The following NFAT5 variants were observed in gnomAD, a reference collection of about 807,000 sequenced individuals.
NFAT5 encodes the protein nuclear factor of activated T-cells 5.
Under a neutral mutation model 166.5 loss-of-function variants are expected in NFAT5, and 31 were observed. That is an observed-to-expected ratio of 0.19 (90% CI 0.14 to 0.25). The LOEUF (loss-of-function observed/expected upper bound fraction) is 0.25. NFAT5 is among the 10% of genes least tolerant of loss of function. The pLI is 1.00. For synonymous variants in NFAT5, 612 were observed against 639.7 expected (o/e 0.96, Z 0.65); for missense variants, 1,449 against 1,821.8 (o/e 0.80, Z 3.72).
In NFAT5 at chr16:69,626,384, C is replaced by T. The variant is rs371196467; in HGVS notation, c.128-19C>T. 8.4e-6 allele frequency: 13 copies of T among 1,551,008 alleles called. No homozygotes were observed. Among genetic ancestry groups the T allele is most frequent in the African/African-American group, 2.8e-5 (2 of 71,346 alleles). ...TCTCTTTTAAAAATTGTTTTCTCCT[C>T]TCTTTCCCCTCCCCACAGAATCTGT... On this transcript the variant is annotated intron_variant, in intron 2 of 14. Coordinates refer to ENST00000349945, the MANE Select transcript of NFAT5 (RefSeq NM_138713.4).
chr16:69,567,748 T>C (rs1309152614), intron 1 of NFAT5, among the ~76,000 whole-genome samples: 1 of 152,134 alleles, frequency 6.6e-6, no homozygotes, highest in Non-Finnish European at 1.5e-5. Context: ...CGGGCAACAT[T>C]ACCTGAGGTA....
chr16:69,599,316 C>T (rs1302896395), intron 2 of NFAT5, among the ~76,000 whole-genome samples: 1 of 152,146 alleles, frequency 6.6e-6, no homozygotes, highest in African/African-American at 2.4e-5. Context: ...GTGGCTCACA[C>T]CTGCAATCCC....
At chr16:69,603,496 G>A (rs977202033) in intron 2 of NFAT5, among the ~76,000 whole-genome samples, 3 of 152,112 alleles carry the variant, frequency 2.0e-5, no homozygotes, top group African/African-American at 7.2e-5. Context: ...GGTGGCTCAT[G>A]CCTGTAATCC....
intron 3 of NFAT5, among the ~76,000 whole-genome samples, chr16:69,635,202 G>A (rs967403800): frequency 1.3e-4 from 19 of 151,612 alleles, no homozygotes; most frequent in Admixed American, 1.1e-3. Context: ...GTAGAGACAG[G>A]GTTTCACCAC....
At chr16:69,573,153 T>C (rs916766922) in intron 2 of NFAT5, among the ~76,000 whole-genome samples, 1 of 152,218 alleles carries the variant, frequency 6.6e-6, no homozygotes, top group Admixed American at 6.5e-5. Flanking sequence ...CAATCTTTGT[T>C]TAAATTAAAC....
At chr16:69,624,368 G>C (rs1373593929) in intron 2 of NFAT5, among the ~76,000 whole-genome samples, 3 of 150,814 alleles carry the variant, frequency 2.0e-5, no homozygotes, top group African/African-American at 7.3e-5. Context: ...ACCACGCCTG[G>C]CTAACTTTTT....
rs749198428 is a variant in NFAT5 at position 69,566,390 on chromosome 16, G to C, written c.73+16G>C. On this transcript the variant is annotated intron_variant, in intron 1 of 14. Transcript: ENST00000349945. The surrounding 1 kb of genome is among the most constrained non-coding windows in gnomAD (Gnocchi z 5.7). The stretch of plus-strand genomic sequence containing the variant: ...TACTCGCGAGGTGAGTCAGGCTGTG[G>C]GGGGTGGGGCGTGGGGGCGGGGAGA... 6.3e-7 allele frequency: 1 copy of C among 1,578,266 alleles called. No individual in the cohort carries two copies. Among genetic ancestry groups the C allele is most frequent in the Admixed American group, 1.8e-5 (1 of 56,006 alleles).
intron 2 of NFAT5, among the ~76,000 whole-genome samples, chr16:69,620,831 C>T (rs1394697368): frequency 6.6e-6 from 1 of 152,132 alleles, no homozygotes; most frequent in Non-Finnish European, 1.5e-5. Flanking sequence ...CTTTCATGAT[C>T]TGTGATGAAT....
At chr16:69,624,047 G>A (rs1054741906) in intron 2 of NFAT5, among the ~76,000 whole-genome samples, 22 of 151,788 alleles carry the variant, frequency 1.4e-4, no homozygotes, top group African/African-American at 5.1e-4. Context: ...CACCGTGACC[G>A]GCCGTCTACT....
intron 2 of NFAT5, among the ~76,000 whole-genome samples, chr16:69,609,075 C>G (rs574666803): frequency 2.6e-5 from 4 of 151,324 alleles, no homozygotes; most frequent in African/African-American, 9.7e-5. Context: ...GAGCTAAGAT[C>G]ATGCCACTGC....
chr16:69,570,413 A>G (rs1364257222), intron 2 of NFAT5, among the ~76,000 whole-genome samples: 1 of 152,014 alleles, frequency 6.6e-6, no homozygotes, highest in Non-Finnish European at 1.5e-5. Context: ...AGCCCCATAT[A>G]CCCATCACCA....
intron 3 of NFAT5, among the ~76,000 whole-genome samples, chr16:69,644,305 CAGTTT>C (rs1256155201): frequency 6.6e-6 from 1 of 151,702 alleles, no homozygotes; most frequent in Non-Finnish European, 1.5e-5. Flanking sequence ...AAGAATTTTA[CAGTTT>C]AAAAAAAATT....
In NFAT5 at chr16:69,684,891, A is replaced by G; in HGVS notation, c.1695A>G (p.Ala565=). 6.2e-7 allele frequency: 1 copy of G among 1,600,922 alleles called. No individual in the cohort carries two copies. The highest frequency in any genetic ancestry group is 1.3e-5 in the African/African-American group (1 of 74,536). Residue 565 remains alanine (A), a synonymous_variant, in exon 11 of 15, where the codon GCA becomes GCG. Transcript: ENST00000349945. ...QPFTYTPDPA[A]AGALNVNVKK... ...CATTAATCTTTTTTTTAATAGCAGC[A>G]GCTGGTGCTTTGAATGTAAATGTGA...
At chr16:69,619,156 G>A (rs1468563959) in intron 2 of NFAT5, among the ~76,000 whole-genome samples, 2 of 152,120 alleles carry the variant, frequency 1.3e-5, no homozygotes, top group Non-Finnish European at 2.9e-5. Flanking sequence ...TTTACTCTCT[G>A]ACCCGAAAGC....
intron 2 of NFAT5, among the ~76,000 whole-genome samples, chr16:69,580,805 G>T (rs557274329): frequency 6.6e-6 from 1 of 151,756 alleles, no homozygotes; most frequent in Non-Finnish European, 1.5e-5. Flanking sequence ...ACAGGTGCCC[G>T]CCACCACGCC....
At chr16:69,680,290 G>A (rs1003362427) in intron 10 of NFAT5, among the ~76,000 whole-genome samples, 13 of 152,140 alleles carry the variant, frequency 8.5e-5, no homozygotes, top group African/African-American at 3.1e-4. Flanking sequence ...TGTGTTGGAA[G>A]GGAAAGGAAT....
chr16:69,592,341 G>C (rs2032517633), intron 2 of NFAT5, among the ~76,000 whole-genome samples: 1 of 151,992 alleles, frequency 6.6e-6, no homozygotes, highest in Non-Finnish European at 1.5e-5. Flanking sequence ...TGGCCTCCCA[G>C]AGTGCTGGGA....
At chr16:69,688,603 G>A (rs1232448968) in intron 11 of NFAT5, among the ~76,000 whole-genome samples, 2 of 152,036 alleles carry the variant, frequency 1.3e-5, no homozygotes, top group East Asian at 1.9e-4. Flanking sequence ...TCCTGACCTC[G>A]TGGTCCACCC....
chr16:69,676,334 T>C (rs1319567448), intron 9 of NFAT5, among the ~76,000 whole-genome samples: 6 of 152,214 alleles, frequency 3.9e-5, no homozygotes, highest in Non-Finnish European at 5.9e-5. Flanking sequence ...ATAAGGATGC[T>C]TCTGCCACTG....
Sources: allele counts gnomAD v4.1 joint callset (sites outside exome capture counted in the v4.1 genomes callset), GRCh38; gene constraint gnomAD v4.1.1; non-coding constraint Gnocchi (gnomAD v3.1); transcripts MANE v1.5; gene names NCBI Gene and HGNC (gene_info 2026-07-23, HGNC 2026-07-21).